The following TTC19 variants were observed in gnomAD, a reference collection of about 807,000 sequenced individuals.
TTC19 encodes the protein tetratricopeptide repeat domain 19.
A neutral mutation model predicts 49.5 loss-of-function variants in TTC19; 38 were observed. The ratio of observed to expected loss-of-function variants is 0.77; its 90% CI spans 0.59 to 1.01. TTC19 has a LOEUF of 1.01. TTC19 is among the 50% of genes least tolerant of loss of function. The probability of loss-of-function intolerance (pLI) is 0.00; values close to 1 mark genes in which losing one functional copy is unlikely to be tolerated. For missense variants in TTC19, 475 were observed against 477.7 expected, an observed-to-expected ratio of 0.99 and a Z score of 0.05; for synonymous variants, 204 against 185.2, an observed-to-expected ratio of 1.10 and a Z score of -0.83.
At chr17:16,012,123 G>C (rs1387816613) in intron 7 of TTC19, among the ~76,000 whole-genome samples, 1 of 151,776 alleles carries the variant, frequency 6.6e-6, no homozygotes, top group African/African-American at 2.4e-5. Flanking sequence ...TTTTCCTCCT[G>C]ATTTGTGTTT....
At chr17:16,027,260 G>A (rs1567588242) in intron 9 of TTC19, 114 bp from the exon 10 acceptor site, 46 of 1,258,304 alleles carry the variant, frequency 3.7e-5, no homozygotes, top group Non-Finnish European at 4.9e-5. Flanking sequence ...CCAGCTTGTC[G>A]CTTCATAAGC....
chr17:16,041,937 C>T (rs927717917), intron 2 of TTC19, among the ~76,000 whole-genome samples: 3 of 152,074 alleles, frequency 2.0e-5, no homozygotes, highest in Non-Finnish European at 2.9e-5. Flanking sequence ...GGGATTTCAC[C>T]GTGTTAGCCA....
downstream of TTC19, among the ~76,000 whole-genome samples, chr17:16,033,187 T>A (rs1482409812): frequency 2.0e-5 from 3 of 151,846 alleles, no homozygotes; most frequent in East Asian, 5.8e-4. Flanking sequence ...CTTACAAAAT[T>A]AGCCGGGTGT....
intron 9 of TTC19, 42 bp from the exon 10 acceptor site, chr17:16,027,332 T>C: frequency 6.2e-7 from 1 of 1,610,998 alleles, no homozygotes; most frequent in Non-Finnish European, 8.5e-7. Flanking sequence ...CTTGAAAACA[T>C]ACACTTTCTT....
rs532422368 is a variant in TTC19 at position 16,012,283 on chromosome 17, G to A, written c.676+5715G>A. On this transcript the variant is annotated intron_variant, in intron 7 of 9. Coordinates refer to ENST00000261647, the MANE Select transcript of TTC19 (RefSeq NM_017775.4). ...GCGGGTGGATCACTTGAGGTCAGTC[G>A]TTAAAGACCAGCCCTGGAAACGTGG... Among the ~76,000 whole-genome samples the A allele has an allele frequency of 2.0e-5, 3 of 152,236 alleles. No homozygotes were observed. In the South Asian group the frequency reaches 6.2e-4, roughly 32 times the overall value.
In TTC19 at chr17:16,028,131, TAA is replaced by T; in HGVS notation, c.*612_*613del. 2.2e-6 allele frequency: 1 copy of T among 454,096 alleles called. No homozygotes were observed. The highest frequency in any genetic ancestry group is 1.6e-5 in the South Asian group (1 of 64,472). The allele number at this position is 454,096 out of a possible 1,614,324, so 28.1% of individuals were successfully genotyped here. The stretch of plus-strand genomic sequence containing the variant: ...AGTATAGCACCCATTTGAATTTAAA[TAA>T]AAGTGAACCATATTTATCTGGTTAT... On this transcript the variant is annotated 3_prime_UTR_variant, in exon 10 of 10. Coordinates refer to ENST00000261647, the MANE Select transcript of TTC19 (RefSeq NM_017775.4).
At chr17:16,000,764 G>A (rs1478442271) in intron 2 of TTC19, among the ~76,000 whole-genome samples, 1 of 151,692 alleles carries the variant, frequency 6.6e-6, no homozygotes, top group African/African-American at 2.4e-5. Flanking sequence ...TTTCCATTCT[G>A]TAGTGTGCTA....
rs79154513 is a variant in TTC19 at position 16,006,735 on chromosome 17, A to C, written c.676+167A>C. On this transcript the variant is annotated intron_variant, in intron 7 of 9. Transcript: ENST00000261647. Reference sequence around the variant, plus strand: ...CAGAAGTTTTGGAATAAGATGTTTTATTTAAAATATTTGACTGCTGTTTTG... The same window carrying C: ...CAGAAGTTTTGGAATAAGATGTTTTCTTTAAAATATTTGACTGCTGTTTTG... Among the ~76,000 whole-genome samples, 1,006 of 152,160 alleles carry C rather than the reference A, an allele frequency of 6.6e-3. 14 individuals carry two copies. Among genetic ancestry groups the C allele is most frequent in the African/African-American group, 0.023 (975 of 41,520 alleles).
downstream of TTC19, chr17:16,032,315 AG>A: frequency 6.2e-7 from 1 of 1,613,012 alleles, no homozygotes; most frequent in Non-Finnish European, 8.5e-7. Flanking sequence ...ACTATCCGAC[AG>A]GGTCTCGTAC....
At chr17:16,005,343 G>A (rs1435069849) in intron 6 of TTC19, among the ~76,000 whole-genome samples, 1 of 152,192 alleles carries the variant, frequency 6.6e-6, no homozygotes, top group Non-Finnish European at 1.5e-5. Context: ...TGGCTAGAGA[G>A]GGCCCTCTTG....
chr17:16,021,417 C>G (rs1157225679), intron 7 of TTC19, among the ~76,000 whole-genome samples: 1 of 152,092 alleles, frequency 6.6e-6, no homozygotes, highest in African/African-American at 2.4e-5. Context: ...AACAAAGTCA[C>G]CGCCTCATGG....
intron 7 of TTC19, among the ~76,000 whole-genome samples, chr17:16,014,058 T>C (rs563396464): frequency 5.6e-4 from 86 of 152,314 alleles, no homozygotes; most frequent in Non-Finnish European, 1.0e-3. Context: ...GTATTGGCTT[T>C]TTCCCCATGC....
chr17:16,044,496 T>C (rs1013155623), intron 2 of TTC19: 2 of 479,010 alleles, frequency 4.2e-6, no homozygotes, highest in Non-Finnish European at 8.6e-6. Context: ...GATCGTCCTT[T>C]CCTCAGCTGC....
At chr17:16,023,383 C>T (rs182443865) in intron 7 of TTC19, 1 of 152,272 alleles carries the variant, frequency 6.6e-6, no homozygotes, top group East Asian at 1.9e-4. Context: ...CTTTTTAAAT[C>T]GTTGCCACAA....
At chr17:16,039,663 G>T (rs374388689) in intron 2 of TTC19, 19 of 1,608,272 alleles carry the variant, frequency 1.2e-5, no homozygotes, top group Non-Finnish European at 1.6e-5. Flanking sequence ...GCCTGAAAGA[G>T]AATCAAAAAC....
intron 2 of TTC19, chr17:16,040,139 A>G (rs1428552652): frequency 1.9e-6 from 1 of 526,920 alleles, no homozygotes; most frequent in Admixed American, 2.2e-5. Context: ...TTTGTTTCCC[A>G]AGTGAATCAG....
At chr17:16,006,644 G>T in intron 7 of TTC19, 76 bp downstream of exon 7, 1 of 1,038,726 alleles carries the variant, frequency 9.6e-7, no homozygotes, top group Non-Finnish European at 1.5e-6. Flanking sequence ...AATGGAAAGA[G>T]ATCTAAATTG....
chr17:16,020,767 A>G (rs755091530), intron 7 of TTC19, among the ~76,000 whole-genome samples: 1 of 152,046 alleles, frequency 6.6e-6, no homozygotes, highest in Non-Finnish European at 1.5e-5. Flanking sequence ...TAAACTCCTG[A>G]TATCAAGTGA....
chr17:16,034,993 A>T (rs1038835209), intron 2 of TTC19: 2 of 1,551,314 alleles, frequency 1.3e-6, no homozygotes, highest in African/African-American at 2.8e-5. Flanking sequence ...GTTCTCAAAA[A>T]TTACCAAAAT....
Sources: allele counts gnomAD v4.1 joint callset (sites outside exome capture counted in the v4.1 genomes callset), GRCh38; gene constraint gnomAD v4.1.1; transcripts MANE v1.5; gene names NCBI Gene and HGNC (gene_info 2026-07-23, HGNC 2026-07-21).